CEP83: variants seen among roughly 807,000 people sequenced by gnomAD.
CEP83 encodes centrosomal protein 83, also known as centrosomal protein of 83 kDa.
In CEP83, 70 loss-of-function variants were observed where a neutral mutation model predicts 101.9. The ratio of observed to expected loss-of-function variants is 0.69; its 90% CI spans 0.57 to 0.84. The LOEUF (loss-of-function observed/expected upper bound fraction) is 0.84. Among genes scored for constraint, CEP83 ranks in the 40% least tolerant of loss-of-function variants. CEP83 has a pLI of 0.00. For synonymous variants in CEP83, 264 were observed against 267.9 expected, an observed-to-expected ratio of 0.99 and a Z score of 0.14; for missense variants, 715 against 787.2, an observed-to-expected ratio of 0.91 and a Z score of 1.10.
At chr12:94,398,995 GTTGT>G (rs1283516372) in intron 6 of CEP83, among the ~76,000 whole-genome samples, 4 of 152,178 alleles carry the variant, frequency 2.6e-5, no homozygotes, top group African/African-American at 9.7e-5. Context: ...TCTGTTTTCT[GTTGT>G]TTAAGATGTT....
chr12:94,353,274 CAA>C (rs1439160464), intron 11 of CEP83, among the ~76,000 whole-genome samples: 2 of 152,054 alleles, frequency 1.3e-5, no homozygotes, highest in African/African-American at 4.8e-5. Context: ...GAAGAAGAAA[CAA>C]AGTCTTTCTC....
chr12:94,390,881 T>C (rs1407769369), intron 6 of CEP83, among the ~76,000 whole-genome samples: 1 of 152,030 alleles, frequency 6.6e-6, no homozygotes. Flanking sequence ...GCATCAGTGA[T>C]TGAAGATCAA....
chr12:94,296,812 T>A, the CEP83 span, among the ~76,000 whole-genome samples: 1 of 152,250 alleles, frequency 6.6e-6, no homozygotes, highest in Non-Finnish European at 1.5e-5. Flanking sequence ...ATGTCTCTCA[T>A]TGGCCAGAAT....
Position 94,402,022 on chromosome 12 carries a change from G to C in CEP83, c.418-1041C>G, listed in dbSNP as rs148029515. On this transcript the variant is annotated intron_variant, in intron 5 of 16. Coordinates refer to ENST00000397809, the MANE Select transcript of CEP83 (RefSeq NM_016122.3). ...TAATCATTTGTATGTATAAGGCCAG[G>C]TATATTTGTTAAATAAGGTAACATA... is the stretch of plus-strand genomic sequence containing the variant. Among the ~76,000 whole-genome samples, 108 of 152,262 alleles carry C rather than the reference G, an allele frequency of 7.1e-4. No individual in the cohort carries two copies. The East Asian group carries it at 0.02, about 28-fold the overall frequency.
chr12:94,397,149 C>T (rs1220234548), intron 6 of CEP83, among the ~76,000 whole-genome samples: 1 of 152,134 alleles, frequency 6.6e-6, no homozygotes, highest in East Asian at 1.9e-4. Flanking sequence ...ATTATGGCTT[C>T]TTAACTTGCA....
At chr12:94,355,504 A>G (rs1323060477) in intron 11 of CEP83, among the ~76,000 whole-genome samples, 1 of 152,240 alleles carries the variant, frequency 6.6e-6, no homozygotes, top group Non-Finnish European at 1.5e-5. Context: ...AAAAAAGAAA[A>G]GAAAAACAAG....
the CEP83 span, among the ~76,000 whole-genome samples, chr12:94,267,232 A>G: frequency 6.6e-6 from 1 of 152,254 alleles, no homozygotes; most frequent in East Asian, 1.9e-4. Context: ...CAAACAGGAA[A>G]GACAGGAAAG....
chr12:94,357,157 C>T (rs997104040), intron 11 of CEP83, among the ~76,000 whole-genome samples: 12 of 152,112 alleles, frequency 7.9e-5, no homozygotes, highest in Non-Finnish European at 1.6e-4. Context: ...ATGCTAATCC[C>T]GATTGCCAGG....
At chr12:94,398,167 G>A (rs906427623) in intron 6 of CEP83, among the ~76,000 whole-genome samples, 20 of 152,204 alleles carry the variant, frequency 1.3e-4, no homozygotes, top group African/African-American at 2.2e-4. Flanking sequence ...TTCTTAAGCC[G>A]AAGCTGGAGA....
the CEP83 span, among the ~76,000 whole-genome samples, chr12:94,279,045 C>G: frequency 2.6e-5 from 4 of 151,816 alleles, no homozygotes; most frequent in Non-Finnish European, 4.4e-5. Context: ...ACCTCGTAAC[C>G]TTCCCTGTCA....
chr12:94,296,321 C>G, the CEP83 span, among the ~76,000 whole-genome samples: 1 of 152,084 alleles, frequency 6.6e-6, no homozygotes, highest in African/African-American at 2.4e-5. Context: ...CTACCATGCT[C>G]AGATACTCTT....
chr12:94,316,801 C>T lies in CEP83; in HGVS notation c.1708-3784G>A, dbSNP rs558925232. ...ATAGTATTCCATGGTGTATATATAC[C>T]GCATTTTCTTTATCCAATCTTCCAT... On this transcript the variant is annotated intron_variant, in intron 14 of 16. Transcript: ENST00000397809. Among the ~76,000 whole-genome samples, 14 of 152,112 alleles carry T rather than the reference C, an allele frequency of 9.2e-5. No individual in the cohort carries two copies. In the East Asian group the frequency reaches 9.6e-4, roughly 10 times the overall value.
chr12:94,410,706 C>T (rs1350422348), intron 4 of CEP83, among the ~76,000 whole-genome samples: 2 of 152,156 alleles, frequency 1.3e-5, no homozygotes, highest in Admixed American at 1.3e-4. Context: ...CAAATTAATG[C>T]ATTGATTCTA....
At chr12:94,268,222 A>C in the CEP83 span, among the ~76,000 whole-genome samples, 3 of 152,152 alleles carry the variant, frequency 2.0e-5, no homozygotes, top group African/African-American at 7.2e-5. Flanking sequence ...GTTCTCCCTG[A>C]GGTGTGGGGG....
intron 2 of CEP83, among the ~76,000 whole-genome samples, chr12:94,415,429 A>C (rs2137860248): frequency 6.6e-6 from 1 of 152,234 alleles, no homozygotes; most frequent in African/African-American, 2.4e-5. Flanking sequence ...GCTAAAATGA[A>C]AAGTAAATTG....
chr12:94,303,832 C>T (rs1310271251), downstream of CEP83: 2 of 1,606,220 alleles, frequency 1.2e-6, no homozygotes, highest in East Asian at 2.2e-5. Flanking sequence ...TATTACAAAG[C>T]AATCAGGGAT....
At chr12:94,380,457 T>C (rs564076379) in intron 6 of CEP83, among the ~76,000 whole-genome samples, 2 of 152,164 alleles carry the variant, frequency 1.3e-5, no homozygotes, top group African/African-American at 4.8e-5. Context: ...TAATTAGTAT[T>C]TCTCTCCTAT....
chr12:94,432,524 G>A (rs185826565), intron 2 of CEP83, among the ~76,000 whole-genome samples: 1 of 152,224 alleles, frequency 6.6e-6, no homozygotes, highest in East Asian at 1.9e-4. Flanking sequence ...ATGTACTCAT[G>A]TGGGAGCTTA....
intron 14 of CEP83, among the ~76,000 whole-genome samples, chr12:94,316,956 G>T (rs895240344): frequency 6.6e-6 from 1 of 151,998 alleles, no homozygotes; most frequent in Non-Finnish European, 1.5e-5. Context: ...GGGATTGCTG[G>T]GTCCAATGGT....
Sources: gnomAD v4.1 joint callset for allele counts (sites outside exome capture counted in the v4.1 genomes callset) on GRCh38, gnomAD v4.1.1 for gene constraint, MANE v1.5 for transcripts, NCBI Gene and HGNC (gene_info 2026-07-23, HGNC 2026-07-21) for gene names.